The following SLC15A5 variants were observed in gnomAD, a reference collection of about 807,000 sequenced individuals.
The protein encoded by SLC15A5 is solute carrier family 15 member 5.
SLC15A5 carries 58 observed loss-of-function variants against 56.1 expected under a neutral mutation model. The ratio of observed to expected loss-of-function variants is 1.03; its 90% CI spans 0.84 to 1.29. The LOEUF (loss-of-function observed/expected upper bound fraction) is 1.29, where lower values mean the gene tolerates loss of function less well. SLC15A5 is among the 50% of genes most tolerant of loss of function. The pLI is 0.00. For missense variants in SLC15A5, 681 were observed against 672.1 expected (o/e 1.01, Z -0.15); for synonymous variants, 264 against 250.5 (o/e 1.05, Z -0.51).
At chr12:16,220,048 T>C (rs1011178152) in intron 6 of SLC15A5, among the ~76,000 whole-genome samples, 18 of 152,168 alleles carry the variant, frequency 1.2e-4, no homozygotes, top group African/African-American at 4.1e-4. Flanking sequence ...CTGGAAATAT[T>C]TTTTACTCTC....
At chr12:16,216,558 T>C (rs1864131129) in intron 7 of SLC15A5, among the ~76,000 whole-genome samples, 1 of 152,164 alleles carries the variant, frequency 6.6e-6, no homozygotes, top group Non-Finnish European at 1.5e-5. Context: ...TACACAGGTC[T>C]TACTTTTTCT....
intron 7 of SLC15A5, among the ~76,000 whole-genome samples, chr12:16,197,495 C>T (rs564830792): frequency 6.6e-6 from 1 of 152,046 alleles, no homozygotes; most frequent in Admixed American, 6.6e-5. Flanking sequence ...ACAGTGTAGT[C>T]GTTGGGCAAA....
chr12:16,193,443 G>A (rs530683497), intron 8 of SLC15A5, among the ~76,000 whole-genome samples: 1 of 152,072 alleles, frequency 6.6e-6, no homozygotes, highest in South Asian at 2.1e-4. Flanking sequence ...TACTGACTTT[G>A]ACATCTTTCT....
At position 16,235,272 on chromosome 12, in the gene SLC15A5, GTA is replaced by G. The variant is rs905239869; in HGVS notation, c.1162+4407_1162+4408del. Among the ~76,000 whole-genome samples the G allele has an allele frequency of 5.5e-4, 46 of 83,350 alleles. No individual in the cohort carries two copies. The highest frequency in any genetic ancestry group is 2.0e-3 in the African/African-American group (44 of 21,660). The allele number at this position is 83,350 out of a possible 152,430, so 54.7% of individuals were successfully genotyped here. ...TATATATGTGTATATATATGTATAT[GTA>G]TATATATGTATATATGTATATGTAT... On this transcript the variant is annotated intron_variant, in intron 5 of 8. Coordinates refer to ENST00000344941, the MANE Select transcript of SLC15A5 (RefSeq NM_001170798.1). This position sits in a 1 kb window ranked among gnomAD's most constrained non-coding sequence, Gnocchi z 4.1.
rs913019774 is a variant in SLC15A5, at chr12:16,257,860, G to T, written c.595C>A (p.Leu199Ile). ...ACAATAGTTGCATTTAGGTTCATGA[G>T]CCAATAAAACCTGGGGTATACAGAC... is the stretch of plus-strand genomic sequence containing the variant. ...TMSFFNWFYW[L>I]MNLNATIVFL... Residue 199 changes from leucine to isoleucine, a missense_variant, in exon 3 of 9, where the codon CTC becomes ATC. By Grantham distance (5) the Leu-to-Ile change is conservative. Coordinates refer to ENST00000344941, the MANE Select transcript of SLC15A5 (RefSeq NM_001170798.1). The T allele has an allele frequency of 2.0e-6, 3 of 1,492,494 alleles. No homozygotes were observed. The highest frequency in any genetic ancestry group is 1.8e-6 in the Non-Finnish European group (2 of 1,131,154). The allele number at this position is 1,492,494 out of a possible 1,614,324, so 92.5% of individuals were successfully genotyped here. A position where few individuals can be genotyped will look rare whatever the true frequency, so the allele number is the denominator to read the frequency against.
At chr12:16,234,002 C>T (rs2054307974) in intron 5 of SLC15A5, among the ~76,000 whole-genome samples, 1 of 151,880 alleles carries the variant, frequency 6.6e-6, no homozygotes, top group African/African-American at 2.4e-5. Flanking sequence ...TGCTGTTATT[C>T]AAAAAAAGTG....
intron 7 of SLC15A5, among the ~76,000 whole-genome samples, chr12:16,210,020 T>G (rs1457870010): frequency 2.0e-5 from 3 of 152,202 alleles, no homozygotes; most frequent in Admixed American, 6.5e-5. Context: ...TGCCCCTATC[T>G]AACTCTCCAA....
In SLC15A5 at chr12:16,272,640, C is replaced by G. The variant is rs767019850; in HGVS notation, c.505G>C (p.Val169Leu). The G allele has an allele frequency of 6.5e-6, 10 of 1,537,016 alleles. No individual in the cohort carries two copies. Among genetic ancestry groups the G allele is most frequent in the East Asian group, 4.9e-5 (2 of 40,898 alleles). The change falls in exon 2 of 9, where the codon GTA (valine) becomes CTA (leucine). Residue 169 changes from valine (V) to leucine (L), a missense_variant. Coordinates refer to ENST00000344941, the MANE Select transcript of SLC15A5 (RefSeq NM_001170798.1). ...LLTICLGIGG[V>L]RAIVCPLGAF... is the part of the protein sequence containing the mutation. ...CCCAGTGGACAGACGATGGCTCTTA[C>G]GCCTCCAATGCCAAGGCAAATGGTC... is the stretch of plus-strand genomic sequence containing the variant.
At chr12:16,272,523 T>A in intron 2 of SLC15A5, 38 bp downstream of exon 2, 1 of 1,517,646 alleles carries the variant, frequency 6.6e-7, no homozygotes, top group Non-Finnish European at 8.9e-7. Context: ...GTGAGAATGG[T>A]CATAAGCCTC....
intron 7 of SLC15A5, among the ~76,000 whole-genome samples, chr12:16,208,666 C>CT (rs952401372): frequency 2.6e-5 from 4 of 152,102 alleles, no homozygotes; most frequent in African/African-American, 9.7e-5. Context: ...GATCCCATCT[C>CT]TAAAAAACCC....
chr12:16,247,343 C>T (rs1045193132), intron 3 of SLC15A5, among the ~76,000 whole-genome samples: 7 of 152,076 alleles, frequency 4.6e-5, no homozygotes, highest in African/African-American at 1.7e-4. Context: ...ATAATTGATG[C>T]CAAAGAAATG....
At chr12:16,259,024 C>CTTTTTTTTT (rs5796661) in intron 2 of SLC15A5, among the ~76,000 whole-genome samples, 12 of 63,234 alleles carry the variant, frequency 1.9e-4, no homozygotes, top group South Asian at 1.4e-3. Context: ...TCTTTCTTTC[C>CTTTTTTTTT]TTTTTTTTTT....
At chr12:16,233,943 A>C (rs1864323253) in intron 5 of SLC15A5, among the ~76,000 whole-genome samples, 1 of 152,236 alleles carries the variant, frequency 6.6e-6, no homozygotes, top group Admixed American at 6.5e-5. Flanking sequence ...GTTCTCCAGA[A>C]AATTTCAAGC....
chr12:16,228,352 G>C (rs1190336322), intron 5 of SLC15A5, among the ~76,000 whole-genome samples: 1 of 152,212 alleles, frequency 6.6e-6, no homozygotes, highest in African/African-American at 2.4e-5. Context: ...AAGTAAAAGT[G>C]CTGAAAGCAA....
At chr12:16,252,627 T>A (rs942824608) in intron 3 of SLC15A5, among the ~76,000 whole-genome samples, 6 of 152,014 alleles carry the variant, frequency 3.9e-5, no homozygotes, top group Admixed American at 6.6e-5. Flanking sequence ...ATGGAAACTA[T>A]AAAACTTTAC....
chr12:16,220,467 C>T (rs776767980), intron 6 of SLC15A5, among the ~76,000 whole-genome samples: 15 of 152,228 alleles, frequency 9.9e-5, no homozygotes, highest in African/African-American at 1.4e-4. Flanking sequence ...ACCTCAGCTT[C>T]CACTCCACTC....
At chr12:16,263,900 A>G (rs1192154409) in intron 2 of SLC15A5, among the ~76,000 whole-genome samples, 1 of 152,210 alleles carries the variant, frequency 6.6e-6, no homozygotes, top group Non-Finnish European at 1.5e-5. Context: ...ATGTATGGAA[A>G]CACCTGGATG....
In SLC15A5 at chr12:16,245,471, C is replaced by T. The variant is rs1181044332; in HGVS notation, c.755-671G>A. On this transcript the variant is annotated intron_variant, in intron 3 of 8. Coordinates refer to ENST00000344941, the MANE Select transcript of SLC15A5 (RefSeq NM_001170798.1). ...AGAAGCGCTTTATTGCTTCAGATGG[C>T]AGCAGTCACTTACTGCTAGTGATTT... 2.6e-5 allele frequency among the ~76,000 whole-genome samples: 4 copies of T among 152,158 alleles called. No homozygotes were observed. In the East Asian group the frequency reaches 7.7e-4, roughly 29 times the overall value.
chr12:16,210,053 C>A (rs192109215), intron 7 of SLC15A5, among the ~76,000 whole-genome samples: 123 of 152,262 alleles, frequency 8.1e-4, no homozygotes, highest in Non-Finnish European at 1.2e-3. Flanking sequence ...CCATTTCCTC[C>A]TTTTTTGAAT....
Sources: allele counts gnomAD v4.1 joint callset (sites outside exome capture counted in the v4.1 genomes callset), GRCh38; gene constraint gnomAD v4.1.1; non-coding constraint Gnocchi (gnomAD v3.1); transcripts MANE v1.5; gene names NCBI Gene and HGNC (gene_info 2026-07-23, HGNC 2026-07-21).